Variants in RPA1 observed in about 807,000 individuals in gnomAD.
The protein encoded by RPA1 is replication protein A1.
A neutral mutation model predicts 83.0 loss-of-function variants in RPA1; 49 were observed. The observed-to-expected ratio is 0.59, with a 90% CI of 0.47 to 0.75. RPA1 has a LOEUF of 0.75. Ranked by LOEUF, RPA1 falls within the 30% of genes least tolerant of loss-of-function variation. The probability of loss-of-function intolerance (pLI) is 0.00; values close to 1 mark genes in which losing one functional copy is unlikely to be tolerated. For missense variants in RPA1, 693 were observed against 776.1 expected (o/e 0.89, Z 1.27); for synonymous variants, 279 against 281.8 (o/e 0.99, Z 0.10).
Position 1,880,672 on chromosome 17 carries a change from G to A in RPA1, c.1222G>A (p.Ala408Thr). The change falls in exon 12 of 17, where the codon GCC becomes ACC. Residue 408 changes from alanine (A) to threonine (T), a missense_variant. Ala to Thr is a moderately conservative substitution (Grantham distance 58). Coordinates refer to ENST00000254719, the MANE Select transcript of RPA1 (RefSeq NM_002945.5). The part of the protein sequence containing the change: ...TIIANPDIPE[A>T]YKLRGWFDAE... ...CATTGCGAATCCTGACATCCCAGAG[G>A]CCTATAAGCTTCGTGGATGGTAGGT... The A allele has an allele frequency of 6.2e-7, 1 of 1,613,678 alleles. No homozygotes were observed. The highest frequency in any genetic ancestry group is 8.5e-7 in the Non-Finnish European group (1 of 1,179,982).
Position 1,898,851 on chromosome 17 carries a change from A to G in RPA1, c.*1676A>G, listed in dbSNP as rs1914546568. 1 of 152,476 alleles carries G rather than the reference A, an allele frequency of 6.6e-6. No homozygotes were observed. The highest frequency in any genetic ancestry group is 2.4e-5 in the African/African-American group (1 of 41,462). 9.4% of individuals were successfully genotyped at this position (152,476 alleles called of 1,614,324 possible). A position where few individuals can be genotyped will look rare whatever the true frequency, so the allele number is the denominator to read the frequency against. On this transcript the variant is annotated 3_prime_UTR_variant, in exon 17 of 17. Coordinates refer to ENST00000254719, the MANE Select transcript of RPA1 (RefSeq NM_002945.5). Reference sequence around the variant, plus strand: ...CTTTTCTGTCTGACCTTGCTTATAAAGCATCGACGAGAAAATTACAGTCTT... The same window carrying G: ...CTTTTCTGTCTGACCTTGCTTATAAGGCATCGACGAGAAAATTACAGTCTT...
intron 5 of RPA1, among the ~76,000 whole-genome samples, chr17:1,860,895 G>A (rs1439143780): frequency 2.0e-5 from 3 of 152,170 alleles, no homozygotes; most frequent in Non-Finnish European, 2.9e-5. Context: ...ATCTTTTGGT[G>A]TGTTGCTTTT....
chr17:1,842,671 T>A, intron 1 of RPA1, 132 bp from the exon 2 acceptor site: 1 of 710,932 alleles, frequency 1.4e-6, no homozygotes, highest in Non-Finnish European at 2.4e-6. Context: ...AACTAGATGC[T>A]TCAGCTGACA....
chr17:1,844,254 T>C (rs942747337), intron 3 of RPA1, among the ~76,000 whole-genome samples: 3 of 152,186 alleles, frequency 2.0e-5, no homozygotes, highest in African/African-American at 4.8e-5. Flanking sequence ...CTAAGGATGA[T>C]ATTGACATCG....
chr17:1,847,671 T>TG, intron 4 of RPA1, among the ~76,000 whole-genome samples: 3 of 152,292 alleles, frequency 2.0e-5, no homozygotes, highest in Middle Eastern at 6.8e-3. Context: ...ATTTGTATTG[T>TG]GGGGTCAACG....
At chr17:1,868,838 A>G (rs1913280220) in intron 5 of RPA1, among the ~76,000 whole-genome samples, 1 of 152,268 alleles carries the variant, frequency 6.6e-6, no homozygotes, top group African/African-American at 2.4e-5. Context: ...ATTGAATTAG[A>G]TGATTTTAAA....
intron 5 of RPA1, 163 bp from the exon 6 acceptor site, chr17:1,872,271 A>G: frequency 9.2e-7 from 1 of 1,087,986 alleles, no homozygotes; most frequent in South Asian, 1.7e-5. Context: ...ACCCCTAGCA[A>G]ATTCACCGAG....
chr17:1,843,566 C>A lies in RPA1; in HGVS notation c.85-354C>A, dbSNP rs1912136806. On this transcript the variant is annotated intron_variant, in intron 2 of 16. Transcript: ENST00000254719. ...TTCATTTTGTATTTTTAGCATGTTT[C>A]CTACACAGCACCTTGTGTATATTGG... Among the ~76,000 whole-genome samples the A allele has an allele frequency of 2.6e-5, 4 of 150,960 alleles. No homozygotes were observed. In the South Asian group the frequency reaches 6.4e-4, roughly 24 times the overall value.
At chr17:1,834,055 C>A (rs1003178245) in intron 1 of RPA1, among the ~76,000 whole-genome samples, 1 of 152,108 alleles carries the variant, frequency 6.6e-6, no homozygotes, top group African/African-American at 2.4e-5. Context: ...TGGCGTGTGC[C>A]TGTAATCCCT....
chr17:1,852,484 T>A (rs1912532783), intron 4 of RPA1, among the ~76,000 whole-genome samples: 1 of 151,992 alleles, frequency 6.6e-6, no homozygotes, highest in Admixed American at 6.6e-5. Flanking sequence ...AAAGGCCTTG[T>A]GGCAAGAGGG....
rs549563876 is a variant in RPA1 at position 1,844,069 on chromosome 17, G to A, written c.163+71G>A. ...TAGAAGCACACCTGGTCCTTTGGTTGCCATAATTTGGGGGCATTCGTGAAG... is the reference window on the plus strand; with the variant it reads ...TAGAAGCACACCTGGTCCTTTGGTTACCATAATTTGGGGGCATTCGTGAAG... On this transcript the variant is annotated intron_variant, in intron 3 of 16. Coordinates refer to ENST00000254719, the MANE Select transcript of RPA1 (RefSeq NM_002945.5). The A allele has an allele frequency of 3.8e-4, 529 of 1,406,850 alleles. 6 individuals are homozygous for A. In the South Asian group the frequency reaches 4.8e-3, roughly 13 times the overall value. The allele number at this position is 1,406,850 out of a possible 1,614,324, so 87.1% of individuals were successfully genotyped here. A position where few individuals can be genotyped will look rare whatever the true frequency, so the allele number is the denominator to read the frequency against.
chr17:1,841,365 G>A (rs558686821), intron 1 of RPA1, among the ~76,000 whole-genome samples: 1 of 152,214 alleles, frequency 6.6e-6, no homozygotes, highest in South Asian at 2.1e-4. Context: ...GTGCAGTGGT[G>A]CGATCTCAGC....
At chr17:1,836,766 A>G (rs1406988271) in intron 1 of RPA1, among the ~76,000 whole-genome samples, 4 of 149,854 alleles carry the variant, frequency 2.7e-5, no homozygotes, top group East Asian at 2.0e-4. Context: ...AACTCAAGAG[A>G]TCCTCGCACC....
Position 1,891,927 on chromosome 17 carries a change from A to G in RPA1, c.1646A>G (p.Glu549Gly). 6.2e-7 allele frequency: 1 copy of G among 1,603,282 alleles called. No homozygotes were observed. Among genetic ancestry groups the G allele is most frequent in the South Asian group, 1.1e-5 (1 of 90,248 alleles). ...GGACAAAATGCTGCTTATCTTGGGG[A>G]ATTAAAAGACAAGGTCAGCCACATA... is the stretch of plus-strand genomic sequence containing the variant. ...ILGQNAAYLG[E>G]LKDKNEQAFE... Residue 549 changes from glutamate (E) to glycine (G), a missense_variant, in exon 15 of 17, where the codon GAA becomes GGA. Coordinates refer to ENST00000254719, the MANE Select transcript of RPA1 (RefSeq NM_002945.5).
intron 16 of RPA1, 38 bp downstream of exon 16, chr17:1,895,133 A>C (rs1914355340): frequency 6.4e-7 from 1 of 1,550,436 alleles, no homozygotes; most frequent in African/African-American, 1.4e-5. Context: ...GGTGGTGGGG[A>C]GGTGCTGTTT....
At chr17:1,847,089 G>A (rs1389589776) in intron 4 of RPA1, among the ~76,000 whole-genome samples, 1 of 152,160 alleles carries the variant, frequency 6.6e-6, no homozygotes, top group Non-Finnish European at 1.5e-5. Flanking sequence ...TCCAGAGTGG[G>A]TTCTTTAATC....
chr17:1,842,710 T>C, intron 1 of RPA1, 93 bp from the exon 2 acceptor site: 2 of 1,105,844 alleles, frequency 1.8e-6, no homozygotes, highest in Non-Finnish European at 2.7e-6. Flanking sequence ...TTAACAATCT[T>C]ATCTATATAT....
At chr17:1,856,789 C>T (rs1389566220) in intron 5 of RPA1, among the ~76,000 whole-genome samples, 1 of 151,576 alleles carries the variant, frequency 6.6e-6, no homozygotes, top group African/African-American at 2.4e-5. Context: ...GCCTCAGCCT[C>T]CCAAAGTGCT....
At chr17:1,851,492 A>G (rs944212670) in intron 4 of RPA1, among the ~76,000 whole-genome samples, 3 of 152,142 alleles carry the variant, frequency 2.0e-5, no homozygotes, top group Non-Finnish European at 4.4e-5. Flanking sequence ...ATCCCTGTAA[A>G]GTCACTTAAT....
Sources: gnomAD v4.1 joint callset for allele counts (sites outside exome capture counted in the v4.1 genomes callset) on GRCh38, gnomAD v4.1.1 for gene constraint, MANE v1.5 for transcripts, NCBI Gene and HGNC (gene_info 2026-07-23, HGNC 2026-07-21) for gene names.